Variants in CHRM2 observed in about 807,000 individuals in gnomAD.
The protein encoded by CHRM2 is muscarinic acetylcholine receptor M2.
A neutral mutation model predicts 25.0 loss-of-function variants in CHRM2; 8 were observed. The ratio of observed to expected loss-of-function variants is 0.32; its 90% confidence interval spans 0.19 to 0.58. CHRM2 has a LOEUF of 0.58. Ranked by LOEUF, CHRM2 falls within the 20% of genes least tolerant of loss-of-function variation. The pLI is 0.88. For synonymous variants in CHRM2, 202 were observed against 205.7 expected (o/e 0.98, Z 0.15); for missense variants, 440 against 567.1 (o/e 0.78, Z 2.28).
chr7:136,885,997 C>T (rs1796448758), intron 2 of CHRM2, among the ~76,000 whole-genome samples: 1 of 152,104 alleles, frequency 6.6e-6, no homozygotes, highest in Non-Finnish European at 1.5e-5. Context: ...TAGATTAGGC[C>T]AGACTATGAA....
At chr7:136,900,487 T>C (rs530056456) in intron 2 of CHRM2, among the ~76,000 whole-genome samples, 2 of 152,132 alleles carry the variant, frequency 1.3e-5, no homozygotes, top group Middle Eastern at 3.4e-3. Context: ...ACAGGCTTAC[T>C]TCAGTTTGGT....
chr7:137,012,657 T>C (rs1584923944), intron 3 of CHRM2, among the ~76,000 whole-genome samples: 1 of 152,030 alleles, frequency 6.6e-6, no homozygotes, highest in South Asian at 2.1e-4. Flanking sequence ...GAGTATTCCA[T>C]AATATATTTA....
rs147922723 is a variant in CHRM2 at position 136,961,260 on chromosome 7, T to C, written c.-124-30927T>C. Among the ~76,000 whole-genome samples the C allele has an allele frequency of 1.3e-3, 196 of 152,294 alleles. 1 individual carries two copies. The highest frequency in any genetic ancestry group is 4.4e-3 in the African/African-American group (182 of 41,570). ...AGGTATTCAGCACTTTCTTATCAAA[T>C]ATTTCTGTTTTAGGTGATTTTGCCA... On this transcript the variant is annotated intron_variant, in intron 2 of 3. Transcript: ENST00000680005.
chr7:137,005,915 C>T (rs915945845), intron 3 of CHRM2, among the ~76,000 whole-genome samples: 8 of 152,040 alleles, frequency 5.3e-5, no homozygotes, highest in South Asian at 2.1e-4. Flanking sequence ...TTTCTCAAGA[C>T]GGTAAGAGAG....
At chr7:136,896,771 A>G (rs1008543306) in intron 2 of CHRM2, among the ~76,000 whole-genome samples, 1 of 152,068 alleles carries the variant, frequency 6.6e-6, no homozygotes, top group South Asian at 2.1e-4. Context: ...AAGATAGGGG[A>G]AGGGTGGTGG....
intron 2 of CHRM2, among the ~76,000 whole-genome samples, chr7:136,939,615 T>C (rs1424995424): frequency 6.6e-6 from 1 of 152,240 alleles, no homozygotes; most frequent in Non-Finnish European, 1.5e-5. Context: ...TAATTTTAGA[T>C]GTTCTTTAAT....
intron 2 of CHRM2, among the ~76,000 whole-genome samples, chr7:136,986,060 G>A (rs866686152): frequency 6.6e-5 from 10 of 151,972 alleles, no homozygotes; most frequent in East Asian, 3.9e-4. Context: ...CAAGTGACCC[G>A]TCCTATCATC....
At chr7:136,896,152 G>A (rs546257330) in intron 2 of CHRM2, among the ~76,000 whole-genome samples, 2 of 152,202 alleles carry the variant, frequency 1.3e-5, no homozygotes, top group African/African-American at 4.8e-5. Context: ...GACTTGTTCA[G>A]AGAGAGCATC....
intron 3 of CHRM2, among the ~76,000 whole-genome samples, chr7:137,003,518 ACACACACACACACACAC>A (rs1295367829): frequency 1.0e-3 from 81 of 80,402 alleles, no homozygotes; most frequent in Non-Finnish European, 1.9e-3. Flanking sequence ...ACACACACAC[ACACACACACACACACAC>A]ACTAGTTAGG....
chr7:136,985,256 A>C (rs1413427883), intron 2 of CHRM2, among the ~76,000 whole-genome samples: 2 of 152,158 alleles, frequency 1.3e-5, no homozygotes, highest in African/African-American at 4.8e-5. Flanking sequence ...TCACGCCTGT[A>C]ATCCCAGCAC....
chr7:136,954,551 A>G (rs1247596074), intron 2 of CHRM2, among the ~76,000 whole-genome samples: 1 of 152,146 alleles, frequency 6.6e-6, no homozygotes, highest in African/African-American at 2.4e-5. Flanking sequence ...TTCATATTCA[A>G]TGGATTCTCT....
At chr7:136,975,184 G>A (rs2130947772) in intron 2 of CHRM2, among the ~76,000 whole-genome samples, 2 of 152,274 alleles carry the variant, frequency 1.3e-5, no homozygotes, top group Middle Eastern at 6.8e-3. Context: ...TGGGGTATCA[G>A]AGAAAAGGTA....
chr7:137,008,737 T>G (rs1247543624), intron 3 of CHRM2, among the ~76,000 whole-genome samples: 1 of 152,084 alleles, frequency 6.6e-6, no homozygotes, highest in East Asian at 1.9e-4. Flanking sequence ...AAACATTAGG[T>G]GAATTCCTCT....
chr7:136,934,403 T>C (rs1418483433), intron 2 of CHRM2, among the ~76,000 whole-genome samples: 2 of 152,108 alleles, frequency 1.3e-5, no homozygotes, highest in African/African-American at 4.8e-5. Context: ...TGACTAAAAT[T>C]ATTTTCTAGC....
At chr7:136,964,427 G>A (rs1397223031) in intron 2 of CHRM2, among the ~76,000 whole-genome samples, 2 of 152,102 alleles carry the variant, frequency 1.3e-5, no homozygotes, top group Non-Finnish European at 2.9e-5. Flanking sequence ...GTGCTGCCTG[G>A]AACTTTTGTC....
intron 2 of CHRM2, among the ~76,000 whole-genome samples, chr7:136,941,099 A>C (rs1028829356): frequency 6.6e-6 from 1 of 152,138 alleles, no homozygotes; most frequent in Admixed American, 6.5e-5. Context: ...TCTTATCTGA[A>C]CTTCATACCA....
At chr7:136,952,477 G>C (rs1800470950) in intron 2 of CHRM2, among the ~76,000 whole-genome samples, 1 of 152,112 alleles carries the variant, frequency 6.6e-6, no homozygotes, top group African/African-American at 2.4e-5. Flanking sequence ...ATGTACTTCA[G>C]TCATGAAGTT....
chr7:136,951,068 T>G (rs1428276188), intron 2 of CHRM2: 1 of 152,212 alleles, frequency 6.6e-6, no homozygotes, highest in African/African-American at 2.4e-5. Context: ...CCAAAAGCAC[T>G]GGGAATACAT....
intron 2 of CHRM2, among the ~76,000 whole-genome samples, chr7:136,897,235 T>A (rs547741714): frequency 6.3e-4 from 96 of 152,090 alleles, no homozygotes; most frequent in African/African-American, 1.7e-3. Context: ...ATTAGTTTTA[T>A]TGTGAACATT....
Sources: allele counts gnomAD v4.1 joint callset (sites outside exome capture counted in the v4.1 genomes callset), GRCh38; gene constraint gnomAD v4.1.1; transcripts MANE v1.5; gene names NCBI Gene and HGNC (gene_info 2026-07-23, HGNC 2026-07-21).